The following AGFG1 variants were observed in gnomAD, a reference collection of about 807,000 sequenced individuals.
The protein encoded by AGFG1 is arf-GAP domain and FG repeat-containing protein 1.
AGFG1 carries 10 observed loss-of-function variants against 60.6 expected under a neutral mutation model. The ratio of observed to expected loss-of-function variants is 0.16; its 90% CI spans 0.10 to 0.28. The LOEUF is 0.28. AGFG1 is among the 10% of genes least tolerant of loss of function. The pLI is 1.00. For synonymous variants in AGFG1, 247 were observed against 242.9 expected (o/e 1.02, Z -0.16); for missense variants, 537 against 676.5 (o/e 0.79, Z 2.29).
chr2:227,532,683 T>C (rs1384232886), intron 6 of AGFG1, among the ~76,000 whole-genome samples: 1 of 152,194 alleles, frequency 6.6e-6, no homozygotes, highest in East Asian at 1.9e-4. Context: ...CACTTTAATA[T>C]ATAACTGTGT....
At position 227,555,908 on chromosome 2, in the gene AGFG1, ATTAT is replaced by A. The variant is rs778469591; in HGVS notation, c.*1416_*1419del. 2.0e-5 allele frequency: 3 copies of A among 152,144 alleles called. No homozygotes were observed. Among genetic ancestry groups the A allele is most frequent in the Non-Finnish European group, 2.9e-5 (2 of 68,016 alleles). The allele number at this position is 152,144 out of a possible 1,614,324, so 9.4% of individuals were successfully genotyped here. On this transcript the variant is annotated 3_prime_UTR_variant, in exon 13 of 13. Transcript: ENST00000310078. ...TTTATGAGAGATTTTAATAAATTTA[ATTAT>A]TTGCTTGTCCAGACTATAGCATATT...
rs1283547399 is a variant in AGFG1 at position 227,558,237 on chromosome 2, A to G, written c.*3742A>G. 1 of 152,220 alleles carries G rather than the reference A, an allele frequency of 6.6e-6. No individual in the cohort carries two copies. Among genetic ancestry groups the G allele is most frequent in the Non-Finnish European group, 1.5e-5 (1 of 68,034 alleles). 9.4% of individuals were successfully genotyped at this position (152,220 alleles called of 1,614,324 possible). A position where few individuals can be genotyped will look rare whatever the true frequency, so the allele number is the denominator to read the frequency against. ...GGCAGCTTTTTGCTCTGGGGAACAG[A>G]TTTGGATTAAATGCTATCACATTTA... On this transcript the variant is annotated 3_prime_UTR_variant, in exon 13 of 13. Transcript: ENST00000310078.
At chr2:227,541,628 G>T (rs1275456665) in intron 10 of AGFG1, among the ~76,000 whole-genome samples, 1 of 152,154 alleles carries the variant, frequency 6.6e-6, no homozygotes, top group Non-Finnish European at 1.5e-5. Flanking sequence ...GTCAGGTAGC[G>T]TGATGTCTCC....
chr2:227,507,745 A>G (rs1169824844), intron 2 of AGFG1, among the ~76,000 whole-genome samples: 2 of 151,972 alleles, frequency 1.3e-5, no homozygotes, highest in African/African-American at 4.8e-5. Context: ...ATTTATAAAT[A>G]TCAGTAGATA....
At chr2:227,518,745 C>T (rs1357291894) in intron 2 of AGFG1, among the ~76,000 whole-genome samples, 4 of 151,848 alleles carry the variant, frequency 2.6e-5, no homozygotes, top group East Asian at 3.9e-4. Context: ...AGTCTAGTCC[C>T]GAACTCCTGA....
chr2:227,521,908 T>C (rs62190984), intron 3 of AGFG1, among the ~76,000 whole-genome samples: 7,342 of 152,214 alleles, frequency 0.048, 275 homozygotes, highest in Middle Eastern at 0.12. Context: ...GTTATACAAA[T>C]AGAGACTTCA....
intron 3 of AGFG1, among the ~76,000 whole-genome samples, chr2:227,522,657 G>C (rs1691859675): frequency 6.6e-6 from 1 of 152,130 alleles, no homozygotes; most frequent in East Asian, 1.9e-4. Context: ...GTAGAGCTGG[G>C]ATTTGAACTC....
At chr2:227,514,243 GCT>G (rs2106198106) in intron 2 of AGFG1, among the ~76,000 whole-genome samples, 1 of 152,126 alleles carries the variant, frequency 6.6e-6, no homozygotes, top group African/African-American at 2.4e-5. Flanking sequence ...AGACAGTCTT[GCT>G]CTGTCACCCA....
At chr2:227,533,816 G>A in intron 7 of AGFG1, 58 bp downstream of exon 7, 1 of 1,472,908 alleles carries the variant, frequency 6.8e-7, no homozygotes, top group Non-Finnish European at 9.3e-7. Context: ...TCTTAATTTG[G>A]TTGTATTTAT....
At chr2:227,489,074 C>T (rs1195525376) in intron 1 of AGFG1, among the ~76,000 whole-genome samples, 2 of 151,978 alleles carry the variant, frequency 1.3e-5, no homozygotes, top group Non-Finnish European at 2.9e-5. Context: ...CTTGGCCTCC[C>T]AAAGTACTGG....
chr2:227,474,141 G>T (rs1200406699), intron 1 of AGFG1, among the ~76,000 whole-genome samples: 1 of 152,148 alleles, frequency 6.6e-6, no homozygotes, highest in East Asian at 1.9e-4. Flanking sequence ...GAGGTAGCCT[G>T]GTTCATGCAT....
At chr2:227,480,763 C>T (rs1217199860) in intron 1 of AGFG1, among the ~76,000 whole-genome samples, 1 of 152,212 alleles carries the variant, frequency 6.6e-6, no homozygotes, top group Non-Finnish European at 1.5e-5. Flanking sequence ...GGACCCCCAA[C>T]ATTTCCGTTA....
rs1308297564 is a variant in AGFG1 at position 227,558,452 on chromosome 2, AT to A, written c.*3959del. 6.6e-6 allele frequency: 1 copy of A among 151,902 alleles called. No homozygotes were observed. Among genetic ancestry groups the A allele is most frequent in the Non-Finnish European group, 1.5e-5 (1 of 67,978 alleles). 9.4% of individuals were successfully genotyped at this position (151,902 alleles called of 1,614,324 possible). On this transcript the variant is annotated 3_prime_UTR_variant, in exon 13 of 13. Coordinates refer to ENST00000310078, the MANE Select transcript of AGFG1 (RefSeq NM_004504.5). Reference sequence around the variant, plus strand: ...TGGTAACTAGTGGAGCGTGCTTTAGATTGAAGACTCATCTGAAGTATCACAG... The same window carrying A: ...TGGTAACTAGTGGAGCGTGCTTTAGATGAAGACTCATCTGAAGTATCACAG...
At chr2:227,520,209 G>C (rs1559184494) in intron 3 of AGFG1, 146 bp downstream of exon 3, 7 of 507,756 alleles carry the variant, frequency 1.4e-5, no homozygotes, top group Non-Finnish European at 2.1e-5. Context: ...CTTTTTGTTG[G>C]TTTGGTTTCT....
At chr2:227,482,106 C>T (rs1044947921) in intron 1 of AGFG1, among the ~76,000 whole-genome samples, 2 of 152,152 alleles carry the variant, frequency 1.3e-5, no homozygotes, top group African/African-American at 4.8e-5. Flanking sequence ...ACCTCGTGAT[C>T]TGCCCGCTTC....
intron 2 of AGFG1, among the ~76,000 whole-genome samples, chr2:227,505,364 C>T (rs775312774): frequency 2.5e-4 from 38 of 152,098 alleles, no homozygotes; most frequent in Non-Finnish European, 5.4e-4. Flanking sequence ...TTTTCATTTA[C>T]CAAATTGGGA....
chr2:227,481,794 C>T (rs760996714), intron 1 of AGFG1, among the ~76,000 whole-genome samples: 8 of 151,250 alleles, frequency 5.3e-5, no homozygotes, highest in Non-Finnish European at 1.2e-4. Context: ...GGGTTAATAC[C>T]TTCTTATTCC....
chr2:227,545,148 T>A (rs1373854874), intron 10 of AGFG1, among the ~76,000 whole-genome samples: 1 of 152,194 alleles, frequency 6.6e-6, no homozygotes, highest in Admixed American at 6.5e-5. Context: ...TTGGAGGCTT[T>A]GTTTGTTTCT....
Position 227,519,938 on chromosome 2 carries a change from C to A in AGFG1, c.262-10C>A. The A allele has an allele frequency of 2.6e-6, 4 of 1,519,510 alleles. No homozygotes were observed. The highest frequency in any genetic ancestry group is 3.6e-6 in the Non-Finnish European group (4 of 1,119,886). 94.1% of individuals were successfully genotyped at this position (1,519,510 alleles called of 1,614,324 possible). On this transcript the variant is annotated splice_polypyrimidine_tract_variant and intron_variant, in intron 2 of 12. Transcript: ENST00000310078. ...GAATTTAACATATATTTTTTTAATT[C>A]TTTCCAAAGGTCTGTAAACAGATTT...
Sources: allele counts gnomAD v4.1 joint callset (sites outside exome capture counted in the v4.1 genomes callset), GRCh38; gene constraint gnomAD v4.1.1; transcripts MANE v1.5; gene names NCBI Gene and HGNC (gene_info 2026-07-23, HGNC 2026-07-21).